Variants in UQCC1 observed in about 807,000 individuals in gnomAD.
UQCC1 encodes the protein bFGF-repressed Zic-binding protein.
In UQCC1, 38 loss-of-function variants were observed where a neutral mutation model predicts 48.0. That is an observed-to-expected ratio of 0.79 (90% CI 0.61 to 1.04). The LOEUF is 1.04. Ranked by LOEUF, UQCC1 falls within the 50% of genes least tolerant of loss-of-function variation. The pLI is 0.00. For synonymous variants in UQCC1, 111 were observed against 129.2 expected, an observed-to-expected ratio of 0.86 and a Z score of 0.95; for missense variants, 368 against 381.8, an observed-to-expected ratio of 0.96 and a Z score of 0.30.
chr20:35,383,910 G>C, intron 3 of UQCC1, 128 bp downstream of exon 3: 2 of 704,528 alleles, frequency 2.8e-6, no homozygotes, highest in East Asian at 3.0e-5. Context: ...CCTTGGGCAA[G>C]TCACTTTACC....
rs980506813 is a variant in UQCC1, at chr20:35,373,894, G to A, written c.406+290C>T. On this transcript the variant is annotated intron_variant, in intron 5 of 9. Coordinates refer to ENST00000374385, the MANE Select transcript of UQCC1 (RefSeq NM_018244.5). ...TCTATTAAAAAAGAAAAGCAGCTGG[G>A]TACAGTGCCATGTGCTTTTAGTCCC... 2.6e-5 allele frequency among the ~76,000 whole-genome samples: 4 copies of A among 152,124 alleles called. No individual in the cohort carries two copies. In the South Asian group the frequency reaches 8.3e-4, roughly 32 times the overall value.
chr20:35,338,876 A>ATATATATATAT (rs1417579425), intron 7 of UQCC1, among the ~76,000 whole-genome samples: 7 of 58,468 alleles, frequency 1.2e-4, no homozygotes, highest in African/African-American at 6.4e-4. Flanking sequence ...AAAAAAAAAA[A>ATATATATATAT]AAAAAAAAAA....
chr20:35,309,636 G>A (rs769970939), intron 8 of UQCC1, among the ~76,000 whole-genome samples: 10 of 152,188 alleles, frequency 6.6e-5, no homozygotes, highest in Admixed American at 2.0e-4. Context: ...CTAATCGGGT[G>A]CCTACTTGTT....
At chr20:35,341,081 G>A (rs1011991213) in intron 7 of UQCC1, among the ~76,000 whole-genome samples, 3 of 151,754 alleles carry the variant, frequency 2.0e-5, no homozygotes, top group Non-Finnish European at 4.4e-5. Context: ...AACATTAGCC[G>A]GGTATGGTGC....
intron 7 of UQCC1, 129 bp from the exon 8 acceptor site, chr20:35,314,894 G>GCCC (rs2061040366): frequency 1.7e-6 from 1 of 600,792 alleles, no homozygotes; most frequent in African/African-American, 1.8e-5. Flanking sequence ...AAGTCAAGCT[G>GCCC]CCAGTCCATT....
chr20:35,394,288 A>T, intron 1 of UQCC1, 92 bp from the exon 2 acceptor site: 1 of 1,133,114 alleles, frequency 8.8e-7, no homozygotes, highest in Non-Finnish European at 1.3e-6. Flanking sequence ...TAATATAATT[A>T]GAAATATATA....
At chr20:35,402,180 C>T (rs1040371345) in intron 1 of UQCC1, among the ~76,000 whole-genome samples, 5 of 152,168 alleles carry the variant, frequency 3.3e-5, no homozygotes, top group Non-Finnish European at 4.4e-5. Context: ...TAGTGGCTCA[C>T]GCCTGTAATC....
intron 7 of UQCC1, among the ~76,000 whole-genome samples, chr20:35,324,488 A>G (rs975512487): frequency 3.3e-5 from 5 of 152,030 alleles, no homozygotes; most frequent in South Asian, 2.1e-4. Context: ...CACCACGCCC[A>G]GCTAATTTGT....
At chr20:35,353,594 C>A (rs998564747) in intron 6 of UQCC1, among the ~76,000 whole-genome samples, 1 of 151,800 alleles carries the variant, frequency 6.6e-6, no homozygotes, top group African/African-American at 2.4e-5. Context: ...AGTTCAAGAC[C>A]AACCAAGGTA....
At chr20:35,313,099 A>G (rs1025338543) in intron 8 of UQCC1, among the ~76,000 whole-genome samples, 14 of 152,152 alleles carry the variant, frequency 9.2e-5, no homozygotes, top group Non-Finnish European at 1.8e-4. Flanking sequence ...AGATGAGGCC[A>G]GGCGTGGTGG....
chr20:35,405,323 A>G (rs1478305997), intron 1 of UQCC1, among the ~76,000 whole-genome samples: 17 of 152,226 alleles, frequency 1.1e-4, no homozygotes, highest in Non-Finnish European at 2.4e-4. Flanking sequence ...CTACAGAATC[A>G]ATTCAGAAAA....
intron 7 of UQCC1, among the ~76,000 whole-genome samples, chr20:35,336,054 G>T (rs985430100): frequency 6.6e-6 from 1 of 152,188 alleles, no homozygotes; most frequent in Non-Finnish European, 1.5e-5. Context: ...GGACTGAAAG[G>T]TTCAATGCTA....
At chr20:35,341,235 AAAAGAAAGAAAGAAAG>A (rs903993886) in intron 7 of UQCC1, among the ~76,000 whole-genome samples, 1 of 148,346 alleles carries the variant, frequency 6.7e-6, no homozygotes, top group Non-Finnish European at 1.5e-5. Flanking sequence ...AAAAAAAAAA[AAAAGAAAGAAAGAAAG>A]AAAGAAAATA....
chr20:35,338,846 C>T (rs1467703252), intron 7 of UQCC1, among the ~76,000 whole-genome samples: 6 of 84,702 alleles, frequency 7.1e-5, no homozygotes, highest in Admixed American at 3.0e-4. Context: ...AGCAAGACTC[C>T]GTCTCAAAAG....
At chr20:35,319,911 G>C (rs2061103797) in intron 7 of UQCC1, among the ~76,000 whole-genome samples, 1 of 152,186 alleles carries the variant, frequency 6.6e-6, no homozygotes, top group Admixed American at 6.5e-5. Flanking sequence ...AGACTATGTG[G>C]ATACAGGGAC....
chr20:35,370,469 TC>T (rs1344895733), intron 5 of UQCC1, among the ~76,000 whole-genome samples: 1 of 152,170 alleles, frequency 6.6e-6, no homozygotes, highest in African/African-American at 2.4e-5. Context: ...CCAGATTTGT[TC>T]CCTTTTTATT....
chr20:35,354,396 C>CT lies in UQCC1; in HGVS notation c.465-7125dup, dbSNP rs11477242. On this transcript the variant is annotated intron_variant, in intron 6 of 9. Coordinates refer to ENST00000374385, the MANE Select transcript of UQCC1 (RefSeq NM_018244.5). ...TGAAAATAAAAGGAGGGCAAATTCT[C>CT]TTTTTTTTTTTTTGTTTTGAGACAG... Among the ~76,000 whole-genome samples the CT allele has an allele frequency of 2.4e-3, 344 of 145,284 alleles. 1 individual carries two copies. The highest frequency in any genetic ancestry group is 7.1e-3 in the African/African-American group (283 of 39,614).
chr20:35,329,681 C>T (rs1247503100), intron 7 of UQCC1, among the ~76,000 whole-genome samples: 3 of 152,194 alleles, frequency 2.0e-5, no homozygotes, highest in African/African-American at 7.2e-5. Flanking sequence ...CTCAGAGCCT[C>T]CAGAACTTTT....
intron 6 of UQCC1, among the ~76,000 whole-genome samples, chr20:35,357,685 A>AG (rs986532860): frequency 1.3e-4 from 20 of 151,390 alleles, no homozygotes; most frequent in East Asian, 9.7e-4. Flanking sequence ...AAAAAAAAAA[A>AG]AAAGAAAGAA....
Sources: gnomAD v4.1 joint callset for allele counts (sites outside exome capture counted in the v4.1 genomes callset) on GRCh38, gnomAD v4.1.1 for gene constraint, MANE v1.5 for transcripts, NCBI Gene and HGNC (gene_info 2026-07-23, HGNC 2026-07-21) for gene names.